Variants in RPS6KA2 observed in about 807,000 individuals in gnomAD.
RPS6KA2 encodes the protein ribosomal protein S6 kinase A2.
A neutral mutation model predicts 91.8 loss-of-function variants in RPS6KA2; 42 were observed. That is an observed-to-expected ratio of 0.46 (90% CI 0.36 to 0.59). The LOEUF (loss-of-function observed/expected upper bound fraction) is 0.59, where lower values mean the gene tolerates loss of function less well. RPS6KA2 is among the 20% of genes least tolerant of loss of function. The probability of loss-of-function intolerance (pLI) is 0.00; values close to 1 mark genes in which losing one functional copy is unlikely to be tolerated. For synonymous variants in RPS6KA2, 414 were observed against 393.6 expected, an observed-to-expected ratio of 1.05 and a Z score of -0.61; for missense variants, 798 against 978.5, an observed-to-expected ratio of 0.82 and a Z score of 2.46.
chr6:166,612,465 C>A lies in RPS6KA2; in HGVS notation c.99+14456G>T, dbSNP rs890856842. Among the ~76,000 whole-genome samples, 12 of 152,190 alleles carry A rather than the reference C, an allele frequency of 7.9e-5. No homozygotes were observed. Among genetic ancestry groups the A allele is most frequent in the Non-Finnish European group, 1.5e-4 (10 of 68,022 alleles). The stretch of plus-strand genomic sequence containing the variant: ...TATAACACACGGTGGCTCCTGCAGA[C>A]CCCTGGCTCCCCTCGCGGGCTTGCA... On this transcript the variant is annotated intron_variant, in intron 1 of 20. Transcript: ENST00000265678. This position sits in a 1 kb window ranked among gnomAD's most constrained non-coding sequence, Gnocchi z 4.3.
At chr6:166,588,649 T>C (rs569056807) in intron 1 of RPS6KA2, among the ~76,000 whole-genome samples, 2 of 152,250 alleles carry the variant, frequency 1.3e-5, no homozygotes, top group Admixed American at 1.3e-4. Flanking sequence ...AGAAAAACAA[T>C]CAAAGGTGGA....
At chr6:166,829,573 G>C (rs1780128084) in intron 2 of RPS6KA2, among the ~76,000 whole-genome samples, 2 of 116,336 alleles carry the variant, frequency 1.7e-5, no homozygotes, top group East Asian at 2.4e-4. Flanking sequence ...CTGGGCAACA[G>C]AGCGAGACTC....
intron 1 of RPS6KA2, among the ~76,000 whole-genome samples, chr6:166,605,691 A>ACG (rs1210976110): frequency 6.6e-6 from 1 of 152,228 alleles, no homozygotes; most frequent in East Asian, 1.9e-4. Context: ...AAATGCACTC[A>ACG]CGCACACACA....
At chr6:166,704,950 G>C (rs923875781) in intron 2 of RPS6KA2, among the ~76,000 whole-genome samples, 7 of 152,252 alleles carry the variant, frequency 4.6e-5, no homozygotes, top group Non-Finnish European at 8.8e-5. Context: ...TTAATATTGT[G>C]GTTTGTGCTC....
chr6:166,466,881 C>CATTCACTCACTCCCTT (rs1554277322), intron 11 of RPS6KA2, among the ~76,000 whole-genome samples: 6 of 38,426 alleles, frequency 1.6e-4, no homozygotes, highest in East Asian at 1.7e-3. Context: ...TTCACTCACT[C>CATTCACTCACTCCCTT]ACTCATTCAC....
chr6:166,550,959 A>C (rs1027401337), intron 1 of RPS6KA2, among the ~76,000 whole-genome samples: 4 of 146,254 alleles, frequency 2.7e-5, no homozygotes, highest in South Asian at 2.4e-4. Flanking sequence ...CGAGATCACG[A>C]CACTCCAGCC....
At position 166,728,998 on chromosome 6, in the gene RPS6KA2, C is replaced by T. The variant is rs116020513; in HGVS notation, c.123+129202G>A. Among the ~76,000 whole-genome samples the T allele has an allele frequency of 3.0e-3, 459 of 152,330 alleles. 5 individuals are homozygous for T. Among genetic ancestry groups the T allele is most frequent in the African/African-American group, 0.01 (430 of 41,578 alleles). Reference sequence around the variant, plus strand: ...CCAGACAGACCAAAGGAGGAAGTGACTGCTGCAAAAAGTGACCACAGGCTG... The same window carrying T: ...CCAGACAGACCAAAGGAGGAAGTGATTGCTGCAAAAAGTGACCACAGGCTG... On this transcript the variant is annotated intron_variant, in intron 2 of 21. Transcript: ENST00000503859.
intron 19 of RPS6KA2, 51 bp from the exon 20 acceptor site, chr6:166,413,982 G>A (rs769728084): frequency 9.5e-6 from 15 of 1,571,772 alleles, no homozygotes; most frequent in Middle Eastern, 1.7e-4. Flanking sequence ...CATTTGTGCT[G>A]GGTCAGAGAG....
intron 2 of RPS6KA2, among the ~76,000 whole-genome samples, chr6:166,690,937 G>T (rs908349705): frequency 6.6e-6 from 1 of 151,982 alleles, no homozygotes; most frequent in Non-Finnish European, 1.5e-5. Context: ...TTTTATAAAG[G>T]ACATTAATTA....
intron 2 of RPS6KA2, among the ~76,000 whole-genome samples, chr6:166,831,754 C>A: frequency 6.7e-6 from 1 of 148,858 alleles, no homozygotes; most frequent in African/African-American, 2.5e-5. Flanking sequence ...TACATACACA[C>A]AATAACAGAA....
At chr6:166,858,869 T>C (rs1368386951) in intron 1 of RPS6KA2, among the ~76,000 whole-genome samples, 5 of 152,222 alleles carry the variant, frequency 3.3e-5, no homozygotes, top group Non-Finnish European at 7.3e-5. Flanking sequence ...CTCGGAGACA[T>C]GGCAGTGCTT....
chr6:166,822,096 C>A (rs73788156), intron 2 of RPS6KA2, among the ~76,000 whole-genome samples: 4 of 152,328 alleles, frequency 2.6e-5, no homozygotes, highest in South Asian at 2.1e-4. Flanking sequence ...GCTCCTCCCC[C>A]CTGCCCTGTC....
At chr6:166,672,234 G>C (rs910455450) in intron 2 of RPS6KA2, among the ~76,000 whole-genome samples, 1 of 152,060 alleles carries the variant, frequency 6.6e-6, no homozygotes. Context: ...AGAACACTAC[G>C]GGGAACAAGT....
At chr6:166,568,745 C>T (rs1184626893) in intron 1 of RPS6KA2, among the ~76,000 whole-genome samples, 1 of 151,794 alleles carries the variant, frequency 6.6e-6, no homozygotes, top group East Asian at 1.9e-4. Flanking sequence ...GAGCCCTGCC[C>T]TGGAGGTGAC....
intron 2 of RPS6KA2, among the ~76,000 whole-genome samples, chr6:166,842,717 C>T (rs761192497): frequency 6.6e-6 from 1 of 152,156 alleles, no homozygotes; most frequent in Non-Finnish European, 1.5e-5. Flanking sequence ...TAGCCCAATA[C>T]CCAGAGTTAC....
chr6:166,858,944 T>C lies in RPS6KA2; in HGVS notation c.64-685A>G, dbSNP rs922303100. On this transcript the variant is annotated intron_variant, in intron 1 of 21. Transcript: ENST00000503859. ...AGCCAGCCATCAGCACCGGCTGCCA[T>C]GCAGCAGACACGGGAGAGCTCCACG... Among the ~76,000 whole-genome samples the C allele has an allele frequency of 6.0e-5, 9 of 149,138 alleles. 1 individual carries two copies. The highest frequency in any genetic ancestry group is 1.3e-4 in the Non-Finnish European group (9 of 67,208).
At chr6:166,857,757 A>G (rs9459779) in intron 2 of RPS6KA2, among the ~76,000 whole-genome samples, 23,180 of 151,948 alleles carry the variant, frequency 0.15, 1,959 homozygotes, top group Non-Finnish European at 0.17. Flanking sequence ...GCAACTCCCC[A>G]CGGATGGAAT....
At chr6:166,772,888 G>A (rs1044596937) in intron 2 of RPS6KA2, among the ~76,000 whole-genome samples, 13 of 152,284 alleles carry the variant, frequency 8.5e-5, no homozygotes, top group Middle Eastern at 3.4e-3. Context: ...ACAACATTAA[G>A]AATGTTGTTA....
At chr6:166,470,912 G>A (rs780013816) in intron 10 of RPS6KA2, among the ~76,000 whole-genome samples, 3 of 152,162 alleles carry the variant, frequency 2.0e-5, no homozygotes, top group South Asian at 2.1e-4. Context: ...AGGATGGGAC[G>A]GCCACAGAGG....
Sources: allele counts gnomAD v4.1 joint callset (sites outside exome capture counted in the v4.1 genomes callset), GRCh38; gene constraint gnomAD v4.1.1; non-coding constraint Gnocchi (gnomAD v3.1); transcripts MANE v1.5; gene names NCBI Gene and HGNC (gene_info 2026-07-23, HGNC 2026-07-21).